ZNF324B: variants seen among roughly 807,000 people sequenced by gnomAD.
ZNF324B encodes the protein zinc finger protein 324B.
In ZNF324B, 7 loss-of-function variants were observed where a neutral mutation model predicts 10.6. The observed-to-expected ratio is 0.66, with a 90% CI of 0.38 to 1.24. The LOEUF (loss-of-function observed/expected upper bound fraction) is 1.24. ZNF324B is among the 50% of genes most tolerant of loss of function. The pLI, the probability that ZNF324B is intolerant of heterozygous loss-of-function variation, is 0.02. For missense variants in ZNF324B, 640 were observed against 764.7 expected (o/e 0.84, Z 1.92); for synonymous variants, 316 against 321.0 (o/e 0.98, Z 0.17).
the ZNF324B span, chr19:58,433,472 T>G: frequency 1.2e-6 from 2 of 1,613,866 alleles, no homozygotes; most frequent in Non-Finnish European, 1.7e-6. Flanking sequence ...CCACACTGGA[T>G]GCACTCATAG....
the ZNF324B span, chr19:58,433,579 G>A: frequency 1.2e-6 from 2 of 1,614,216 alleles, no homozygotes; most frequent in Non-Finnish European, 1.7e-6. Flanking sequence ...CCTTTCTCCA[G>A]TGTGAACTCT....
chr19:58,422,295 A>T, the ZNF324B span, among the ~76,000 whole-genome samples: 663 of 152,302 alleles, frequency 4.4e-3, 8 homozygotes, highest in African/African-American at 0.015. Context: ...TATATGACAG[A>T]CCCACAGCTA....
the ZNF324B span, chr19:58,436,790 G>A: frequency 1.7e-6 from 1 of 600,324 alleles, no homozygotes; most frequent in South Asian, 1.7e-5. Flanking sequence ...GGATCTGTTA[G>A]GCAGACTGGA....
At position 58,453,735 on chromosome 19, in the gene ZNF324B, CAGG is replaced by C; in HGVS notation, c.40_42del (p.Glu14del). On this transcript the variant is annotated inframe_deletion, in exon 2 of 4. Coordinates refer to ENST00000336614, the MANE Select transcript of ZNF324B (RefSeq NM_207395.3). ...CGAGGATGTGGCCGTGTACTTCTCC[CAGG>C]AGGAGTGGGGGCTCCTGGACACAGC... 3.1e-6 allele frequency: 5 copies of C among 1,614,194 alleles called. No homozygotes were observed. The highest frequency in any genetic ancestry group is 4.2e-6 in the Non-Finnish European group (5 of 1,180,020).
At chr19:58,446,588 T>TTTTG in the ZNF324B span, among the ~76,000 whole-genome samples, 1 of 147,160 alleles carries the variant, frequency 6.8e-6, no homozygotes, top group South Asian at 2.2e-4. Context: ...TTTTTTTTTT[T>TTTTG]TTTTTTTGAG....
At chr19:58,427,598 G>A in the ZNF324B span, among the ~76,000 whole-genome samples, 2 of 150,064 alleles carry the variant, frequency 1.3e-5, no homozygotes, top group African/African-American at 4.9e-5. Context: ...CAGGTGATCC[G>A]CCCGCATTGG....
chr19:58,453,215 T>C (rs949069817), intron 1 of ZNF324B: 7 of 180,220 alleles, frequency 3.9e-5, no homozygotes, highest in African/African-American at 1.4e-4. Flanking sequence ...CTATGACGAC[T>C]GGTGGGGATC....
intron 1 of ZNF324B, chr19:58,452,814 A>G (rs113785672): frequency 8.2e-5 from 16 of 194,718 alleles, no homozygotes; most frequent in African/African-American, 3.1e-4. Context: ...GCCTGAGGCT[A>G]TCAGGGGAGG....
the ZNF324B span, chr19:58,437,196 C>T: frequency 6.2e-7 from 1 of 1,606,086 alleles, no homozygotes; most frequent in South Asian, 1.1e-5. Flanking sequence ...GACAGCTGAG[C>T]CACAGGGCCA....
rs1039293764 is a variant in ZNF324B, at chr19:58,453,581, G to C, written c.-6-115G>C. 4 of 1,434,000 alleles carry C rather than the reference G, an allele frequency of 2.8e-6. No homozygotes were observed. The African/African-American group carries it at 5.6e-5, about 20-fold the overall frequency. The allele number at this position is 1,434,000 out of a possible 1,614,324, so 88.8% of individuals were successfully genotyped here. On this transcript the variant is annotated intron_variant, in intron 1 of 3. Coordinates refer to ENST00000336614, the MANE Select transcript of ZNF324B (RefSeq NM_207395.3). ...AGTGCCACCTGAAGATAATCTCGGGGTGGAACCCAAGGAAGGAGGGACACT... is the reference window on the plus strand; with the variant it reads ...AGTGCCACCTGAAGATAATCTCGGGCTGGAACCCAAGGAAGGAGGGACACT...
the ZNF324B span, chr19:58,430,214 A>G: frequency 3.9e-5 from 6 of 152,192 alleles, no homozygotes; most frequent in East Asian, 3.8e-4. Context: ...TGCCAATTAC[A>G]TGAGTTTGCT....
In ZNF324B at chr19:58,456,523, C is replaced by T. The variant is rs1306370478; in HGVS notation, c.1579C>T (p.Arg527Trp). 11 of 1,614,090 alleles carry T rather than the reference C, an allele frequency of 6.8e-6. No individual in the cohort carries two copies. Among genetic ancestry groups the T allele is most frequent in the African/African-American group, 4.0e-5 (3 of 74,950 alleles). Residue 527 changes from arginine (R) to tryptophan (W), a missense_variant, in exon 4 of 4, where the codon CGG becomes TGG. Coordinates refer to ENST00000336614, the MANE Select transcript of ZNF324B (RefSeq NM_207395.3). This position sits in a 1 kb window ranked among gnomAD's most constrained non-coding sequence, Gnocchi z 4.7. ...PGPGFLQGHH[R>W]KVRRGGKPSP... ...GCCAGGTTTCCTTCAGGGACATCATCGGAAGGTGCGCCGGGGAGGGAAGCC... is the reference window on the plus strand; with the variant it reads ...GCCAGGTTTCCTTCAGGGACATCATTGGAAGGTGCGCCGGGGAGGGAAGCC...
chr19:58,436,092 A>G, the ZNF324B span, among the ~76,000 whole-genome samples: 3 of 152,240 alleles, frequency 2.0e-5, no homozygotes, highest in Admixed American at 6.5e-5. Context: ...TCACAGAAAA[A>G]TACATAGTAT....
At chr19:58,432,073 T>G in the ZNF324B span, among the ~76,000 whole-genome samples, 1 of 152,096 alleles carries the variant, frequency 6.6e-6, no homozygotes. Context: ...CTCTGTCAAC[T>G]GTGTTAAATG....
chr19:58,437,547 C>T, the ZNF324B span, among the ~76,000 whole-genome samples: 3 of 152,238 alleles, frequency 2.0e-5, no homozygotes, highest in Non-Finnish European at 4.4e-5. Flanking sequence ...ACCTCCCAAA[C>T]ATAAGAAAAT....
Position 58,457,616 on chromosome 19 carries a change from C to A in ZNF324B, c.*1037C>A, listed in dbSNP as rs2052935262. On this transcript the variant is annotated 3_prime_UTR_variant, in exon 4 of 4. Coordinates refer to ENST00000336614, the MANE Select transcript of ZNF324B (RefSeq NM_207395.3). ...AGGAAGGACTTGCCATTACCTAAGGCCATGTGTGACAGCCTCCTGAGGACC... is the reference window on the plus strand; with the variant it reads ...AGGAAGGACTTGCCATTACCTAAGGACATGTGTGACAGCCTCCTGAGGACC... 1 of 148,280 alleles carries A rather than the reference C, an allele frequency of 6.7e-6. No homozygotes were observed. The highest frequency in any genetic ancestry group is 2.1e-4 in the South Asian group (1 of 4,714). 9.2% of individuals were successfully genotyped at this position (148,280 alleles called of 1,614,324 possible).
the ZNF324B span, chr19:58,433,183 G>T: frequency 2.3e-6 from 2 of 871,110 alleles, no homozygotes; most frequent in South Asian, 1.8e-5. Flanking sequence ...TTCCTGGGCT[G>T]GTCAGAAACA....
the ZNF324B span, chr19:58,430,028 A>C: frequency 6.6e-6 from 1 of 152,132 alleles, no homozygotes; most frequent in Non-Finnish European, 1.5e-5. Context: ...ATGGGATCTC[A>C]CTTCTGTTAT....
At chr19:58,422,479 A>T in the ZNF324B span, among the ~76,000 whole-genome samples, 12 of 152,340 alleles carry the variant, frequency 7.9e-5, no homozygotes, top group East Asian at 1.9e-4. Context: ...CTGTTTGCAG[A>T]TGACATGATC....
Sources: allele counts gnomAD v4.1 joint callset (sites outside exome capture counted in the v4.1 genomes callset), GRCh38; gene constraint gnomAD v4.1.1; non-coding constraint Gnocchi (gnomAD v3.1); transcripts MANE v1.5; gene names NCBI Gene and HGNC (gene_info 2026-07-23, HGNC 2026-07-21).